Variants in ADGRB1 observed in about 807,000 individuals in gnomAD.
ADGRB1 encodes the protein adhesion G protein-coupled receptor B1.
A neutral mutation model predicts 175.7 loss-of-function variants in ADGRB1; 36 were observed. The ratio of observed to expected loss-of-function variants is 0.20; its 90% CI spans 0.16 to 0.27. ADGRB1 has a LOEUF of 0.27. ADGRB1 is among the 10% of genes least tolerant of loss of function. The probability of loss-of-function intolerance (pLI) is 1.00; values close to 1 mark genes in which losing one functional copy is unlikely to be tolerated. For missense variants in ADGRB1, 1,731 were observed against 2,255.3 expected, an observed-to-expected ratio of 0.77 and a Z score of 4.71; for synonymous variants, 1,054 against 979.4, an observed-to-expected ratio of 1.08 and a Z score of -1.42.
chr8:142,483,204 A>C (rs1444473829), intron 11 of ADGRB1, among the ~76,000 whole-genome samples: 1 of 147,230 alleles, frequency 6.8e-6, no homozygotes, highest in Non-Finnish European at 1.5e-5. Context: ...CCCTGGTCAC[A>C]CACTGAGCCC....
At chr8:142,532,356 C>G (rs757666225) in intron 24 of ADGRB1, among the ~76,000 whole-genome samples, 1 of 152,224 alleles carries the variant, frequency 6.6e-6, no homozygotes, top group African/African-American at 2.4e-5. Context: ...AGAGGCCACG[C>G]GCGGAACCCA....
intron 24 of ADGRB1, among the ~76,000 whole-genome samples, chr8:142,532,370 G>A (rs1184661985): frequency 2.0e-5 from 3 of 152,240 alleles, no homozygotes; most frequent in Non-Finnish European, 4.4e-5. Flanking sequence ...GAACCCAGTG[G>A]GTGGATGTGG....
Position 142,477,123 on chromosome 8 carries a change from C to A in ADGRB1, c.1067C>A (p.Ala356Glu). ...GFPAPQTGDP[A>E]AEEWSPWSVC... ...GTAGTGGGGCCTGCAGGTGACCCAG[C>A]AGCCGAGGAGTGGTCCCCGTGGAGC... The change falls in exon 5 of 31, where the codon GCA becomes GAA. Residue 356 changes from alanine (A) to glutamate (E), a missense_variant. By Grantham distance (107) the Ala-to-Glu change is moderately radical. Coordinates refer to ENST00000517894, the MANE Select transcript of ADGRB1 (RefSeq NM_001702.3). 1 of 1,571,508 alleles carries A rather than the reference C, an allele frequency of 6.4e-7. No homozygotes were observed.
intron 18 of ADGRB1, among the ~76,000 whole-genome samples, chr8:142,512,535 C>A (rs551192473): frequency 5.9e-5 from 9 of 152,340 alleles, no homozygotes; most frequent in Admixed American, 3.9e-4. Context: ...CCATCTGCCC[C>A]TTCTCCCAGC....
chr8:142,516,160 G>A (rs78496831), intron 18 of ADGRB1, among the ~76,000 whole-genome samples: 12,560 of 151,624 alleles, frequency 0.083, 1,205 homozygotes, highest in African/African-American at 0.24. Context: ...CCAGGTGTGC[G>A]TGTGTGGGAG....
Position 142,476,621 on chromosome 8 carries a change from G to A in ADGRB1, c.983G>A (p.Arg328Gln). 1.9e-6 allele frequency: 3 copies of A among 1,548,806 alleles called. No homozygotes were observed. The highest frequency in any genetic ancestry group is 2.6e-6 in the Non-Finnish European group (3 of 1,146,380). ...ACCAGCTCCCGGAGCCAGTCCCTGC[G>A]GTCCACAGATGCCCGGCGGCGCGAG... is the stretch of plus-strand genomic sequence containing the variant. ...GRTSSRSQSLRSTDARRREEL... is the reference protein window; with the variant it reads ...GRTSSRSQSLQSTDARRREEL... The change falls in exon 4 of 31, where the codon CGG becomes CAG. Residue 328 changes from arginine (R) to glutamine (Q), a missense_variant. By Grantham distance (43) the Arg-to-Gln change is conservative. Coordinates refer to ENST00000517894, the MANE Select transcript of ADGRB1 (RefSeq NM_001702.3).
In ADGRB1 at chr8:142,511,045, C is replaced by A; in HGVS notation, c.2789C>A (p.Ala930Asp). 1 of 1,277,336 alleles carries A rather than the reference C, an allele frequency of 7.8e-7. No homozygotes were observed. The highest frequency in any genetic ancestry group is 1.6e-5 in the South Asian group (1 of 63,424). 79.1% of individuals were successfully genotyped at this position (1,277,336 alleles called of 1,614,324 possible). The stretch of plus-strand genomic sequence containing the variant: ...CTCTGTGACCGGCTCTCCACCTTCG[C>A]CATCTTAGCCCAGCTCAGCGCCGAC... ...RCLCDRLSTF[A>D]ILAQLSADAN... The change falls in exon 18 of 31, where the codon GCC (alanine) becomes GAC (aspartate). Residue 930 changes from alanine (A) to aspartate (D), a missense_variant. This residue lies in a region of ADGRB1 where 77 missense variants were observed against 71.6 expected (regional missense o/e 1.08). Coordinates refer to ENST00000517894, the MANE Select transcript of ADGRB1 (RefSeq NM_001702.3). This position sits in a 1 kb window ranked among gnomAD's most constrained non-coding sequence, Gnocchi z 4.5.
intron 3 of ADGRB1, among the ~76,000 whole-genome samples, chr8:142,475,896 C>CGGGACTGGCCCGTGGGAGTG (rs1554606863): frequency 6.9e-6 from 1 of 145,216 alleles, no homozygotes; most frequent in Non-Finnish European, 1.5e-5. Flanking sequence ...GACCTAAACT[C>CGGGACTGGCCCGTGGGAGTG]GGGGCTGGCC....
Position 142,508,711 on chromosome 8 carries a change from C to T in ADGRB1, c.2676-2221C>T, listed in dbSNP as rs1842948037. ...TGCGAAGGTCACGTGGGCTGAGGCC[C>T]CTGGCACAGACAGAGGCATCCTCTG... On this transcript the variant is annotated intron_variant, in intron 17 of 30. Coordinates refer to ENST00000517894, the MANE Select transcript of ADGRB1 (RefSeq NM_001702.3). 2.0e-5 allele frequency among the ~76,000 whole-genome samples: 3 copies of T among 152,224 alleles called. No individual in the cohort carries two copies. In the South Asian group the frequency reaches 6.2e-4, roughly 32 times the overall value.
intron 14 of ADGRB1, 34 bp from the exon 15 acceptor site, chr8:142,489,001 G>A (rs1841849561): frequency 1.2e-6 from 2 of 1,602,532 alleles, no homozygotes; most frequent in African/African-American, 2.7e-5. Flanking sequence ...CTGTGGGGAT[G>A]GCGGGCCGGG....
chr8:142,469,346 GGA>G (rs1414966232), intron 2 of ADGRB1, among the ~76,000 whole-genome samples: 1 of 144,562 alleles, frequency 6.9e-6, no homozygotes, highest in Non-Finnish European at 1.5e-5. Flanking sequence ...TGTGAATGTG[GGA>G]GTGTCTATGT....
intron 2 of ADGRB1, among the ~76,000 whole-genome samples, chr8:142,471,647 C>T (rs1222767857): frequency 2.0e-5 from 3 of 152,238 alleles, no homozygotes; most frequent in African/African-American, 4.8e-5. Flanking sequence ...TGACAGGTTT[C>T]GGGGAGCCCC....
chr8:142,464,154 C>A lies in ADGRB1; in HGVS notation c.-45C>A. 8.0e-7 allele frequency: 1 copy of A among 1,246,256 alleles called. No homozygotes were observed. The highest frequency in any genetic ancestry group is 1.0e-6 in the Non-Finnish European group (1 of 998,966). The allele number at this position is 1,246,256 out of a possible 1,614,324, so 77.2% of individuals were successfully genotyped here. A position where few individuals can be genotyped will look rare whatever the true frequency, so the allele number is the denominator to read the frequency against. On this transcript the variant is annotated 5_prime_UTR_variant, in exon 2 of 31. Transcript: ENST00000517894. ...CTGGCATGTCAAGACCTGGTCCGCG[C>A]CTGCCTGCCCAGCCCGCGGAACCCC...
intron 17 of ADGRB1, among the ~76,000 whole-genome samples, chr8:142,499,682 G>A (rs979433653): frequency 1.3e-5 from 2 of 152,346 alleles, no homozygotes; most frequent in East Asian, 1.9e-4. Context: ...CTGGGCCTCC[G>A]GGGGCCCCTT....
intron 1 of ADGRB1, among the ~76,000 whole-genome samples, chr8:142,453,114 C>A (rs1772626863): frequency 8.1e-6 from 1 of 122,996 alleles, no homozygotes; most frequent in Admixed American, 7.7e-5. Flanking sequence ...CGGCCGGAGC[C>A]CCCCTCGCCG....
intron 25 of ADGRB1, among the ~76,000 whole-genome samples, chr8:142,535,696 G>A (rs1041644095): frequency 9.9e-5 from 15 of 152,162 alleles, no homozygotes; most frequent in African/African-American, 3.1e-4. Flanking sequence ...GCTGGCTCGG[G>A]TGTTCCTGGA....
intron 17 of ADGRB1, among the ~76,000 whole-genome samples, chr8:142,506,023 C>T (rs1235916349): frequency 6.6e-6 from 1 of 152,094 alleles, no homozygotes; most frequent in Non-Finnish European, 1.5e-5. Flanking sequence ...ACCTTAGTGG[C>T]GCCTGTGGGC....
rs1401036875 is a variant in ADGRB1 at position 142,520,464 on chromosome 8, GTGGTGGTGATGGTTGTGTGATAATGGTGA to G, written c.2922-353_2922-325del. On this transcript the variant is annotated intron_variant, in intron 19 of 30. Transcript: ENST00000517894. ...GGTGGTGATGGTGATGGTGGTGGTG[GTGGTGGTGATGGTTGTGTGATAATGGTGA>G]TGGTGATGATGGTGATGTAGTGGTG... is the stretch of plus-strand genomic sequence containing the variant. 8.0e-3 allele frequency among the ~76,000 whole-genome samples: 201 copies of G among 25,064 alleles called. 7 individuals are homozygous for G. Among genetic ancestry groups the G allele is most frequent in the South Asian group, 0.021 (12 of 584 alleles). The allele number at this position is 25,064 out of a possible 152,430, so 16.4% of individuals were successfully genotyped here.
At chr8:142,495,183 G>A (rs943672594) in intron 17 of ADGRB1, among the ~76,000 whole-genome samples, 6 of 151,304 alleles carry the variant, frequency 4.0e-5, no homozygotes, top group African/African-American at 7.3e-5. Context: ...TGTGGGAGCC[G>A]GCTGTTTGCC....
Sources: gnomAD v4.1 joint callset for allele counts (sites outside exome capture counted in the v4.1 genomes callset) on GRCh38, gnomAD v4.1.1 for gene constraint, gnomAD v4.1.1 regional missense constraint, Gnocchi (gnomAD v3.1) non-coding constraint, MANE v1.5 for transcripts, NCBI Gene and HGNC (gene_info 2026-07-23, HGNC 2026-07-21) for gene names.